Variants in GALNTL6 observed in about 807,000 individuals in gnomAD.
The protein encoded by GALNTL6 is polypeptide N-acetylgalactosaminyltransferase like 6, also known as polypeptide N-acetylgalactosaminyltransferase-like 6.
In GALNTL6, 46 loss-of-function variants were observed where a neutral mutation model predicts 73.7. The observed-to-expected ratio is 0.62, with a 90% confidence interval of 0.49 to 0.80. The LOEUF is 0.80. GALNTL6 is among the 30% of genes least tolerant of loss of function. The pLI is 0.00. For synonymous variants in GALNTL6, 259 were observed against 263.7 expected, an observed-to-expected ratio of 0.98 and a Z score of 0.17; for missense variants, 604 against 755.0, an observed-to-expected ratio of 0.80 and a Z score of 2.34.
rs986951257 is a variant in GALNTL6 at position 172,463,270 on chromosome 4, C to T, written c.553+114581C>T. 5.3e-5 allele frequency among the ~76,000 whole-genome samples: 8 copies of T among 151,574 alleles called. No homozygotes were observed. In the East Asian group the frequency reaches 1.5e-3, roughly 29 times the overall value. The stretch of plus-strand genomic sequence containing the variant: ...ATCAAATGAGGGAGAAAGCAAACCT[C>T]TTTCTCCCTCATAGGGAGCATAGGA... On this transcript the variant is annotated intron_variant, in intron 5 of 12. Coordinates refer to ENST00000506823, the MANE Select transcript of GALNTL6 (RefSeq NM_001034845.3).
At chr4:172,341,020 A>G (rs183675033) in intron 4 of GALNTL6, among the ~76,000 whole-genome samples, 1 of 152,260 alleles carries the variant, frequency 6.6e-6, no homozygotes, top group African/African-American at 2.4e-5. Context: ...TTCTTATCTT[A>G]GGGAGATCAT....
intron 2 of GALNTL6, among the ~76,000 whole-genome samples, chr4:171,917,390 C>G (rs1255990803): frequency 6.6e-6 from 1 of 152,030 alleles, no homozygotes; most frequent in African/African-American, 2.4e-5. Context: ...ATAGCTAAGG[C>G]TCCATAAGAA....
At chr4:172,057,296 C>A (rs1731043731) in intron 2 of GALNTL6, among the ~76,000 whole-genome samples, 1 of 151,828 alleles carries the variant, frequency 6.6e-6, no homozygotes, top group Non-Finnish European at 1.5e-5. Context: ...TGCATATACT[C>A]CCAGCTACTC....
intron 5 of GALNTL6, among the ~76,000 whole-genome samples, chr4:172,401,866 A>G (rs1056919377): frequency 6.1e-5 from 9 of 147,140 alleles, no homozygotes; most frequent in Non-Finnish European, 1.3e-4. Context: ...GCTGTTTACC[A>G]CTAGCATTGT....
At chr4:172,689,527 C>A (rs1733134333) in intron 5 of GALNTL6, among the ~76,000 whole-genome samples, 1 of 152,112 alleles carries the variant, frequency 6.6e-6, no homozygotes, top group African/African-American at 2.4e-5. Context: ...TTTGACACTT[C>A]AACATTTTCA....
At chr4:172,279,467 T>G (rs149081260) in intron 3 of GALNTL6, among the ~76,000 whole-genome samples, 2 of 152,294 alleles carry the variant, frequency 1.3e-5, no homozygotes, top group African/African-American at 4.8e-5. Context: ...AAATATGTTC[T>G]ACATCACTAA....
chr4:172,820,449 C>T (rs1353221415), intron 7 of GALNTL6, among the ~76,000 whole-genome samples: 1 of 152,116 alleles, frequency 6.6e-6, no homozygotes, highest in Non-Finnish European at 1.5e-5. Context: ...AGTTTTGACC[C>T]AATATTAGTA....
At chr4:172,895,005 TC>T (rs972065928) in intron 8 of GALNTL6, among the ~76,000 whole-genome samples, 6 of 151,696 alleles carry the variant, frequency 4.0e-5, no homozygotes, top group African/African-American at 9.6e-5. Context: ...GTATAGCTAC[TC>T]TAGCTCTCTT....
intron 5 of GALNTL6, among the ~76,000 whole-genome samples, chr4:172,749,150 A>G (rs1458223521): frequency 6.6e-6 from 1 of 151,970 alleles, no homozygotes; most frequent in Non-Finnish European, 1.5e-5. Flanking sequence ...CTCAAACTAT[A>G]CAATTATTAT....
At chr4:171,907,563 T>A (rs200788252) in intron 2 of GALNTL6, among the ~76,000 whole-genome samples, 1 of 151,968 alleles carries the variant, frequency 6.6e-6, no homozygotes, top group South Asian at 2.1e-4. Context: ...AAAATGGCCA[T>A]ACTGTCCAAG....
Position 172,809,557 on chromosome 4 carries a change from G to T in GALNTL6, c.739+11G>T, listed in dbSNP as rs1253575294. Reference sequence around the variant, plus strand: ...TGCCCCCACTCCTCAGTGAGTACAGGTTGCTAAGCACCATCCTGGGATGCC... The same window carrying T: ...TGCCCCCACTCCTCAGTGAGTACAGTTTGCTAAGCACCATCCTGGGATGCC... On this transcript the variant is annotated intron_variant, in intron 6 of 12. Transcript: ENST00000506823. The surrounding 1 kb of genome is among the most constrained non-coding windows in gnomAD (Gnocchi z 4.4). The T allele has an allele frequency of 6.2e-7, 1 of 1,600,750 alleles. No individual in the cohort carries two copies. Among genetic ancestry groups the T allele is most frequent in the African/African-American group, 1.3e-5 (1 of 74,416 alleles).
intron 12 of GALNTL6, among the ~76,000 whole-genome samples, chr4:173,030,837 CAA>C (rs34361684): frequency 2.0e-3 from 226 of 111,854 alleles, no homozygotes; most frequent in African/African-American, 3.7e-3. Flanking sequence ...CTGTCTCTAC[CAA>C]AAAAAAAAAA....
chr4:172,035,156 T>G (rs1313282888), intron 2 of GALNTL6, among the ~76,000 whole-genome samples: 1 of 152,064 alleles, frequency 6.6e-6, no homozygotes, highest in Non-Finnish European at 1.5e-5. Flanking sequence ...TTCAAAATAG[T>G]ATAAAGTAAG....
chr4:172,646,648 C>T (rs1174518903), intron 5 of GALNTL6, among the ~76,000 whole-genome samples: 1 of 151,932 alleles, frequency 6.6e-6, no homozygotes, highest in Non-Finnish European at 1.5e-5. Context: ...ACACTAATCC[C>T]TTGTAATAAC....
At chr4:172,166,412 C>T (rs1734626918) in intron 2 of GALNTL6, among the ~76,000 whole-genome samples, 1 of 151,870 alleles carries the variant, frequency 6.6e-6, no homozygotes, top group East Asian at 1.9e-4. Context: ...CATTGCTGCA[C>T]TCCAGCCTGG....
intron 5 of GALNTL6, among the ~76,000 whole-genome samples, chr4:172,653,534 A>G (rs1250882012): frequency 6.6e-6 from 1 of 151,908 alleles, no homozygotes; most frequent in Non-Finnish European, 1.5e-5. Flanking sequence ...TTCTTTTTAC[A>G]TGACCTTACT....
At chr4:172,415,607 C>T (rs1198535519) in intron 5 of GALNTL6, among the ~76,000 whole-genome samples, 1 of 152,140 alleles carries the variant, frequency 6.6e-6, no homozygotes, top group Non-Finnish European at 1.5e-5. Flanking sequence ...GGAGGAGCTG[C>T]AGACAAGAAC....
At chr4:172,251,765 C>A (rs1406962370) in intron 3 of GALNTL6, among the ~76,000 whole-genome samples, 1 of 152,012 alleles carries the variant, frequency 6.6e-6, no homozygotes, top group Non-Finnish European at 1.5e-5. Flanking sequence ...TAGCCAACAG[C>A]CAGAGAGAGG....
At chr4:172,501,553 ACT>A (rs1342830097) in intron 5 of GALNTL6, among the ~76,000 whole-genome samples, 2 of 152,102 alleles carry the variant, frequency 1.3e-5, no homozygotes, top group African/African-American at 2.4e-5. Flanking sequence ...AGAGAGAAAT[ACT>A]CTCTTTCACA....
Sources: allele counts gnomAD v4.1 joint callset (sites outside exome capture counted in the v4.1 genomes callset), GRCh38; gene constraint gnomAD v4.1.1; non-coding constraint Gnocchi (gnomAD v3.1); transcripts MANE v1.5; gene names NCBI Gene and HGNC (gene_info 2026-07-23, HGNC 2026-07-21).